The following SCFD2 variants were observed in gnomAD, a reference collection of about 807,000 sequenced individuals.
SCFD2 encodes the protein sec1 family domain containing 2.
Under a neutral mutation model 58.9 loss-of-function variants are expected in SCFD2, and 54 were observed. The observed-to-expected ratio is 0.92, with a 90% CI of 0.74 to 1.15. The LOEUF is 1.15. SCFD2 is among the 50% of genes most tolerant of loss of function. SCFD2 has a pLI of 0.00. For missense variants in SCFD2, 805 were observed against 836.6 expected (o/e 0.96, Z 0.47); for synonymous variants, 321 against 335.9 (o/e 0.96, Z 0.49).
rs1560462196 is a variant in SCFD2 at position 53,352,625 on chromosome 4, A to T, written c.980T>A (p.Val327Asp). ...LHTEEENYNV[V>D]APGCLSQSSD... ...GGATTGTGAAAGACAGCCTGGTGCAACCACATTATAATTTTCCTCCTCAGT... is the reference window on the plus strand; with the variant it reads ...GGATTGTGAAAGACAGCCTGGTGCATCCACATTATAATTTTCCTCCTCAGT... Residue 327 changes from valine to aspartate, a missense_variant, in exon 2 of 9, where the codon GTT becomes GAT. By Grantham distance (152) the Val-to-Asp change is radical (BLOSUM62 -3). Around this residue, in one of 3 missense-constraint regions of SCFD2, gnomAD observed 633 missense variants for 646.8 expected, o/e 0.98. Transcript: ENST00000401642. 2 of 1,613,630 alleles carry T rather than the reference A, an allele frequency of 1.2e-6. No individual in the cohort carries two copies. Among genetic ancestry groups the T allele is most frequent in the Non-Finnish European group, 8.5e-7 (1 of 1,179,732 alleles).
intron 7 of SCFD2, among the ~76,000 whole-genome samples, chr4:52,906,122 A>G (rs1391088416): frequency 1.3e-5 from 2 of 152,146 alleles, no homozygotes; most frequent in Non-Finnish European, 2.9e-5. Context: ...TGTCACCTAC[A>G]CTGCAACTCT....
chr4:53,201,116 T>G (rs1728220123), intron 4 of SCFD2, among the ~76,000 whole-genome samples: 1 of 152,162 alleles, frequency 6.6e-6, no homozygotes, highest in Admixed American at 6.5e-5. Context: ...GTTGGTGTGC[T>G]GCACCCATTA....
intron 5 of SCFD2, among the ~76,000 whole-genome samples, chr4:53,089,388 TGAA>T (rs1277961993): frequency 6.6e-6 from 1 of 152,202 alleles, no homozygotes; most frequent in Admixed American, 6.5e-5. Context: ...CTAATTTTGA[TGAA>T]GTCCAATTGT....
intron 5 of SCFD2, among the ~76,000 whole-genome samples, chr4:52,998,570 A>G (rs1040344380): frequency 2.0e-5 from 3 of 152,242 alleles, no homozygotes; most frequent in African/African-American, 7.2e-5. Flanking sequence ...TGCTAGTGCC[A>G]GCCCCTTTAG....
intron 4 of SCFD2, among the ~76,000 whole-genome samples, chr4:53,162,479 G>C (rs1464034262): frequency 3.9e-5 from 6 of 152,140 alleles, no homozygotes; most frequent in Admixed American, 3.9e-4. Flanking sequence ...GGGTCAAATG[G>C]TATTTCTAGT....
intron 4 of SCFD2, among the ~76,000 whole-genome samples, chr4:53,270,416 A>T (rs1380619336): frequency 6.6e-6 from 1 of 152,224 alleles, no homozygotes; most frequent in Non-Finnish European, 1.5e-5. Context: ...CTTAATGGCA[A>T]CATTTGGGAA....
chr4:52,925,935 C>CA (rs1719852537), intron 5 of SCFD2, among the ~76,000 whole-genome samples: 1 of 152,102 alleles, frequency 6.6e-6, no homozygotes, highest in African/African-American at 2.4e-5. Flanking sequence ...CTCAGATCAA[C>CA]AAAATAGGGC....
At chr4:53,010,640 C>T (rs552076323) in intron 5 of SCFD2, among the ~76,000 whole-genome samples, 6 of 152,186 alleles carry the variant, frequency 3.9e-5, no homozygotes, top group Admixed American at 2.6e-4. Flanking sequence ...TTTTCTGAAA[C>T]GAATAAATCA....
intron 5 of SCFD2, among the ~76,000 whole-genome samples, chr4:52,923,514 A>AAATAAATAAATAAATAAATAAATG (rs1391552012): frequency 1.3e-5 from 2 of 150,060 alleles, no homozygotes; most frequent in East Asian, 3.9e-4. Flanking sequence ...ATAAATAAAT[A>AAATAAATAAATAAATAAATAAATG]AATGTGTGGT....
intron 5 of SCFD2, among the ~76,000 whole-genome samples, chr4:52,944,682 TACTTCAACTTTTGA>T (rs1330015388): frequency 1.1e-4 from 16 of 152,250 alleles, no homozygotes; most frequent in Admixed American, 3.3e-4. Context: ...ATAGATACTC[TACTTCAACTTTTGA>T]ATTTAGTTTT....
chr4:53,289,730 A>C (rs758975640), intron 3 of SCFD2, among the ~76,000 whole-genome samples: 2 of 152,130 alleles, frequency 1.3e-5, no homozygotes, highest in Non-Finnish European at 2.9e-5. Flanking sequence ...TGCTGCCCAC[A>C]AAAGACCCAT....
intron 5 of SCFD2, among the ~76,000 whole-genome samples, chr4:52,929,478 T>C (rs1190172419): frequency 6.6e-6 from 1 of 152,192 alleles, no homozygotes; most frequent in Non-Finnish European, 1.5e-5. Context: ...GGATGTGTGA[T>C]GGACATGGAA....
At chr4:53,145,095 A>T (rs751022881) in intron 5 of SCFD2, among the ~76,000 whole-genome samples, 1 of 152,148 alleles carries the variant, frequency 6.6e-6, no homozygotes, top group Non-Finnish European at 1.5e-5. Context: ...TGATGATGTG[A>T]GGTGGAACGG....
chr4:53,136,532 C>G (rs1306373335), intron 5 of SCFD2, among the ~76,000 whole-genome samples: 2 of 152,182 alleles, frequency 1.3e-5, no homozygotes, highest in Non-Finnish European at 2.9e-5. Context: ...ACAATGAAAA[C>G]TAACTCTACC....
chr4:52,875,806 A>G (rs1483785594), intron 8 of SCFD2, among the ~76,000 whole-genome samples: 2 of 8,094 alleles, frequency 2.5e-4, no homozygotes, highest in Non-Finnish European at 4.3e-4. Context: ...CTTTAACTAT[A>G]TATATATATA....
chr4:52,970,515 C>T (rs1055604729), intron 5 of SCFD2, among the ~76,000 whole-genome samples: 4 of 152,300 alleles, frequency 2.6e-5, no homozygotes, highest in Admixed American at 2.0e-4. Flanking sequence ...AACAAAGCTG[C>T]CAGGAAGCTG....
intron 4 of SCFD2, among the ~76,000 whole-genome samples, chr4:53,250,234 G>T (rs1205285968): frequency 2.6e-5 from 4 of 152,146 alleles, no homozygotes; most frequent in African/African-American, 7.2e-5. Context: ...AGGGATCAAT[G>T]CAACAAGAAG....
intron 4 of SCFD2, among the ~76,000 whole-genome samples, chr4:53,273,054 A>C (rs1731223818): frequency 1.3e-5 from 2 of 152,056 alleles, no homozygotes; most frequent in Non-Finnish European, 1.5e-5. Flanking sequence ...ATCAGATTAG[A>C]GATGGTTATA....
chr4:53,278,130 G>T (rs1483898260), intron 3 of SCFD2, among the ~76,000 whole-genome samples: 2 of 152,090 alleles, frequency 1.3e-5, no homozygotes, highest in Non-Finnish European at 1.5e-5. Flanking sequence ...ACTTTTGGAG[G>T]CCGAGGTGGG....
Sources: gnomAD v4.1 joint callset for allele counts (sites outside exome capture counted in the v4.1 genomes callset) on GRCh38, gnomAD v4.1.1 for gene constraint, gnomAD v4.1.1 regional missense constraint, MANE v1.5 for transcripts, NCBI Gene and HGNC (gene_info 2026-07-23, HGNC 2026-07-21) for gene names.